The following LRRC28 variants were observed in gnomAD, a reference collection of about 807,000 sequenced individuals.
LRRC28 encodes the protein leucine rich repeat containing 28.
LRRC28 carries 39 observed loss-of-function variants against 45.7 expected under a neutral mutation model. The observed-to-expected ratio is 0.85, with a 90% CI of 0.66 to 1.12. LRRC28 has a LOEUF of 1.12. Among genes scored for constraint, LRRC28 ranks in the 50% most tolerant of loss-of-function variants. The probability of loss-of-function intolerance (pLI) is 0.00; values close to 1 mark genes in which losing one functional copy is unlikely to be tolerated. For missense variants in LRRC28, 435 were observed against 438.5 expected (o/e 0.99, Z 0.07); for synonymous variants, 206 against 178.8 (o/e 1.15, Z -1.22).
Position 99,363,172 on chromosome 15 carries a change from G to T in LRRC28, c.938G>T (p.Gly313Val). 1 of 1,613,966 alleles carries T rather than the reference G, an allele frequency of 6.2e-7. No individual in the cohort carries two copies. The highest frequency in any genetic ancestry group is 8.5e-7 in the Non-Finnish European group (1 of 1,179,900). ...CTAGAGCTGCTGCACTGCCCTCTGG[G>T]GCACTGTCATCGGTGTAGTGAGCCT... Reference protein sequence around the residue: ...SLLELLHCPLGHCHRCSEPMF... With the variant: ...SLLELLHCPLVHCHRCSEPMF... The change falls in exon 9 of 10, where the codon GGG becomes GTG. Residue 313 changes from glycine to valine, a missense_variant. Coordinates refer to ENST00000301981, the MANE Select transcript of LRRC28 (RefSeq NM_144598.5).
At chr15:99,278,756 C>A (rs146245527) in intron 3 of LRRC28, among the ~76,000 whole-genome samples, 31 of 152,360 alleles carry the variant, frequency 2.0e-4, no homozygotes, top group African/African-American at 7.5e-4. Flanking sequence ...GCCCCAGAAT[C>A]TGTGCCTGAC....
rs931305057 is a variant in LRRC28, at chr15:99,349,093, G to T, written c.593-3276G>T. Among the ~76,000 whole-genome samples the T allele has an allele frequency of 3.3e-5, 5 of 152,166 alleles. 1 individual carries two copies. The South Asian group carries it at 1.0e-3, about 32-fold the overall frequency. On this transcript the variant is annotated intron_variant, in intron 6 of 9. Transcript: ENST00000301981. ...TTTGGTAGGTTGTTATTTGTATATA[G>T]AAATGCTATGAATTTTATACGTTGA... is the stretch of plus-strand genomic sequence containing the variant.
intron 6 of LRRC28, among the ~76,000 whole-genome samples, chr15:99,349,493 A>G (rs1404397600): frequency 2.0e-5 from 3 of 152,248 alleles, no homozygotes; most frequent in Middle Eastern, 3.2e-3. Flanking sequence ...AGAAGAAAAC[A>G]TCGGTGAATT....
At chr15:99,378,225 G>A (rs1481705094) in intron 9 of LRRC28, among the ~76,000 whole-genome samples, 1 of 152,174 alleles carries the variant, frequency 6.6e-6, no homozygotes, top group East Asian at 1.9e-4. Context: ...TCGTTGAGCA[G>A]TGGTTTGTAG....
intron 5 of LRRC28, among the ~76,000 whole-genome samples, chr15:99,320,067 G>C (rs1372017338): frequency 6.6e-6 from 1 of 152,078 alleles, no homozygotes; most frequent in Non-Finnish European, 1.5e-5. Flanking sequence ...TCAGCTTCCT[G>C]AAGTGCTGGG....
chr15:99,262,389 C>G (rs1369186135), intron 2 of LRRC28, among the ~76,000 whole-genome samples: 1 of 152,048 alleles, frequency 6.6e-6, no homozygotes, highest in Non-Finnish European at 1.5e-5. Context: ...TGAGACCAGG[C>G]TGGCCAACAT....
At chr15:99,358,350 T>A (rs1957103936) in intron 7 of LRRC28, among the ~76,000 whole-genome samples, 1 of 152,292 alleles carries the variant, frequency 6.6e-6, no homozygotes, top group East Asian at 1.9e-4. Context: ...AATAAGGAAA[T>A]TTATGATCAA....
intron 9 of LRRC28, among the ~76,000 whole-genome samples, chr15:99,377,006 C>A (rs565985152): frequency 1.3e-5 from 2 of 152,130 alleles, no homozygotes; most frequent in Non-Finnish European, 2.9e-5. Flanking sequence ...AATAAACATA[C>A]GTGTGCATTT....
At chr15:99,265,291 G>T (rs1467184528) in intron 2 of LRRC28, among the ~76,000 whole-genome samples, 1 of 152,148 alleles carries the variant, frequency 6.6e-6, no homozygotes, top group East Asian at 1.9e-4. Context: ...GACTAAGGAG[G>T]TTTAGGATTT....
chr15:99,368,273 AC>A (rs1392785634), intron 9 of LRRC28, among the ~76,000 whole-genome samples: 1 of 152,152 alleles, frequency 6.6e-6, no homozygotes, highest in African/African-American at 2.4e-5. Flanking sequence ...CCAGCTATGA[AC>A]CTATGAAACC....
intron 5 of LRRC28, among the ~76,000 whole-genome samples, chr15:99,329,089 C>G (rs1288258715): frequency 4.6e-5 from 7 of 152,196 alleles, no homozygotes; most frequent in Non-Finnish European, 1.0e-4. Context: ...AGCCAAGTAT[C>G]ATTCCTTCTT....
chr15:99,267,944 A>T (rs1003293322), intron 2 of LRRC28, among the ~76,000 whole-genome samples: 8 of 152,180 alleles, frequency 5.3e-5, no homozygotes, highest in Non-Finnish European at 8.8e-5. Context: ...ATGGAGTCAT[A>T]GGATTTTAAA....
intron 6 of LRRC28, among the ~76,000 whole-genome samples, chr15:99,345,488 T>G (rs1047982310): frequency 6.6e-6 from 1 of 152,212 alleles, no homozygotes; most frequent in Non-Finnish European, 1.5e-5. Flanking sequence ...AAATGTCTGT[T>G]TAGATGCTTT....
chr15:99,299,392 A>G (rs997307808), intron 5 of LRRC28, among the ~76,000 whole-genome samples: 12 of 152,196 alleles, frequency 7.9e-5, no homozygotes, highest in African/African-American at 9.6e-5. Flanking sequence ...AATAAAGACA[A>G]TATATCTACA....
chr15:99,319,518 T>G (rs1035489649), intron 5 of LRRC28, among the ~76,000 whole-genome samples: 14 of 152,204 alleles, frequency 9.2e-5, no homozygotes, highest in Non-Finnish European at 1.9e-4. Flanking sequence ...TAATTGTCAC[T>G]TAGCAAGAAT....
intron 5 of LRRC28, among the ~76,000 whole-genome samples, chr15:99,307,012 C>T (rs1955208287): frequency 6.6e-6 from 1 of 152,224 alleles, no homozygotes; most frequent in African/African-American, 2.4e-5. Context: ...TTACGTGTTT[C>T]TTCAGCGTCT....
At chr15:99,298,050 T>TA (rs567607515) in intron 5 of LRRC28, among the ~76,000 whole-genome samples, 23 of 146,932 alleles carry the variant, frequency 1.6e-4, no homozygotes, top group East Asian at 9.9e-4. Context: ...ACAATACTTT[T>TA]AAAAAAAAAA....
intron 2 of LRRC28, among the ~76,000 whole-genome samples, chr15:99,261,698 C>T (rs527942454): frequency 6.6e-6 from 1 of 151,660 alleles, no homozygotes; most frequent in Non-Finnish European, 1.5e-5. Flanking sequence ...ACTCTTGTTG[C>T]CCAGGCTGGA....
chr15:99,270,391 A>G (rs1228301595), intron 2 of LRRC28, among the ~76,000 whole-genome samples: 1 of 152,032 alleles, frequency 6.6e-6, no homozygotes, highest in Non-Finnish European at 1.5e-5. Context: ...TCCAGAGTAA[A>G]ACCCCTCACC....
Sources: allele counts gnomAD v4.1 joint callset (sites outside exome capture counted in the v4.1 genomes callset), GRCh38; gene constraint gnomAD v4.1.1; transcripts MANE v1.5; gene names NCBI Gene and HGNC (gene_info 2026-07-23, HGNC 2026-07-21).